Variants in RRP9 observed in about 807,000 individuals in gnomAD.
The protein encoded by RRP9 is ribosomal RNA processing 9, U3 small nucleolar RNA binding protein, also known as U3 small nucleolar RNA-interacting protein 2.
Under a neutral mutation model 65.5 loss-of-function variants are expected in RRP9, and 35 were observed. The observed-to-expected ratio is 0.53, with a 90% confidence interval of 0.41 to 0.71. RRP9 has a LOEUF of 0.71. Among genes scored for constraint, RRP9 ranks in the 30% least tolerant of loss-of-function variants. The pLI, the probability that RRP9 is intolerant of heterozygous loss-of-function variation, is 0.00. For synonymous variants in RRP9, 254 were observed against 245.0 expected (o/e 1.04, Z -0.34); for missense variants, 533 against 633.6 (o/e 0.84, Z 1.70).
intron 8 of RRP9, 134 bp from the exon 9 acceptor site, chr3:51,935,826 C>T (rs1180685801): frequency 1.5e-5 from 10 of 681,986 alleles, no homozygotes; most frequent in Non-Finnish European, 2.4e-5. Context: ...TGCCCACATG[C>T]CCATCTGCCC....
At position 51,935,206 on chromosome 3, in the gene RRP9, G is replaced by A. The variant is rs758330430; in HGVS notation, c.1025C>T (p.Ala342Val). The stretch of plus-strand genomic sequence containing the variant: ...CCAAAGGACCTCTTACCCATCGTCC[G>A]CGCCGGACACCATGTGCTCCTCATT... ...LINEEHMVSG[A>V]DDGSVALWGL... is the part of the protein sequence containing the mutation. The change falls in exon 11 of 15, where the codon GCG becomes GTG. Residue 342 changes from alanine (A) to valine (V), a missense_variant. Coordinates refer to ENST00000232888, the MANE Select transcript of RRP9 (RefSeq NM_004704.5). 61 of 1,612,872 alleles carry A rather than the reference G, an allele frequency of 3.8e-5. No homozygotes were observed. Among genetic ancestry groups the A allele is most frequent in the Admixed American group, 3.3e-5 (2 of 59,966 alleles).
chr3:51,938,642 G>A (rs577291350), intron 2 of RRP9, among the ~76,000 whole-genome samples: 1 of 152,150 alleles, frequency 6.6e-6, no homozygotes, highest in Non-Finnish European at 1.5e-5. Context: ...AACAATCAAC[G>A]ACGACACTGC....
At position 51,934,374 on chromosome 3, in the gene RRP9, G is replaced by A; in HGVS notation, c.1260+98C>T. 1 of 1,296,592 alleles carries A rather than the reference G, an allele frequency of 7.7e-7. No homozygotes were observed. The highest frequency in any genetic ancestry group is 1.1e-6 in the Non-Finnish European group (1 of 937,368). 80.3% of individuals were successfully genotyped at this position (1,296,592 alleles called of 1,614,324 possible). On this transcript the variant is annotated intron_variant, in intron 13 of 14. Coordinates refer to ENST00000232888, the MANE Select transcript of RRP9 (RefSeq NM_004704.5). This position sits in a 1 kb window ranked among gnomAD's most constrained non-coding sequence, Gnocchi z 4.1. The stretch of plus-strand genomic sequence containing the variant: ...CTAGGAGCTGGCCCTGCCCTGAGAA[G>A]GTTCCCTTCTGGCAGGAAGAAAGAC...
rs766325193 is a variant in RRP9, at chr3:51,941,797, C to G, written c.71G>C (p.Gly24Ala). The change falls in exon 1 of 15, where the codon GGC (glycine) becomes GCC (alanine). Residue 24 changes from glycine (G) to alanine (A), a missense_variant. By Grantham distance (60) the Gly-to-Ala change is moderately conservative (BLOSUM62 0). This residue lies in a region of RRP9 where 77 missense variants were observed against 60.5 expected (regional missense o/e 1.27). Coordinates refer to ENST00000232888, the MANE Select transcript of RRP9 (RefSeq NM_004704.5). ...ASGAGAGAGA[G>A]KRRRKADSAG... ...CATGCTCACCTTTCGCCGCCGCTTG[C>G]CGGCCCCCGCGCCAGCCCCGGCCCC... 22 of 1,567,914 alleles carry G rather than the reference C, an allele frequency of 1.4e-5. No individual in the cohort carries two copies. The highest frequency in any genetic ancestry group is 1.9e-5 in the Non-Finnish European group (22 of 1,165,116).
rs764389274 is a variant in RRP9 at position 51,936,570 on chromosome 3, G to C, written c.518-15C>G. On this transcript the variant is annotated splice_polypyrimidine_tract_variant and intron_variant, in intron 6 of 14. Transcript: ENST00000232888. ...CTCCACGCTCCCTGCAGTTGGGGGT[G>C]GGGGAGAAGCTACTGGGATGGGGGG... 1.5e-5 allele frequency: 24 copies of C among 1,612,356 alleles called. No individual in the cohort carries two copies. Among genetic ancestry groups the C allele is most frequent in the Non-Finnish European group, 1.8e-5 (21 of 1,179,312 alleles).
intron 6 of RRP9, 60 bp from the exon 7 acceptor site, chr3:51,936,615 C>G (rs1293522367): frequency 6.4e-6 from 10 of 1,555,696 alleles, no homozygotes; most frequent in Admixed American, 1.7e-5. Context: ...GCTGGCAACC[C>G]CCCTCAAGGG....
rs1258992864 is a variant in RRP9 at position 51,934,700 on chromosome 3, G to C, written c.1111C>G (p.Pro371Ala). 1.9e-6 allele frequency: 3 copies of C among 1,613,994 alleles called. No homozygotes were observed. The highest frequency in any genetic ancestry group is 1.3e-5 in the African/African-American group (1 of 74,920). ...ATCCAGAAGGGCTGCTCCAGGCCTGGCTCTCCCCGCAGCCCGTGAGCTTCA... is the reference window on the plus strand; with the variant it reads ...ATCCAGAAGGGCTGCTCCAGGCCTGCCTCTCCCCGCAGCCCGTGAGCTTCA... ...QREAHGLRGE[P>A]GLEQPFWISS... is the part of the protein sequence containing the mutation. Residue 371 changes from proline (P) to alanine (A), a missense_variant, in exon 12 of 15, where the codon CCA becomes GCA. Pro to Ala is a conservative substitution (Grantham distance 27, BLOSUM62 -1). Coordinates refer to ENST00000232888, the MANE Select transcript of RRP9 (RefSeq NM_004704.5). This position sits in a 1 kb window ranked among gnomAD's most constrained non-coding sequence, Gnocchi z 4.1.
intron 8 of RRP9, among the ~76,000 whole-genome samples, chr3:51,935,978 G>A (rs921760324): frequency 3.9e-5 from 6 of 151,984 alleles, no homozygotes; most frequent in Admixed American, 6.6e-5. Flanking sequence ...CCTCCATCTC[G>A]GCCTCCCAAA....
Position 51,935,699 on chromosome 3 carries a change from G to A in RRP9, c.736-7C>T, listed in dbSNP as rs1398858636. 7 of 1,612,054 alleles carry A rather than the reference G, an allele frequency of 4.3e-6. No individual in the cohort carries two copies. The highest frequency in any genetic ancestry group is 1.3e-5 in the African/African-American group (1 of 74,978). ...CTCTGCGGAATGCCAGACCCTAAGG[G>A]TGCATGGGGAGAGGGCAAAGGGGAC... On this transcript the variant is annotated splice_polypyrimidine_tract_variant and splice_region_variant and intron_variant, in intron 8 of 14. Transcript: ENST00000232888.
At position 51,936,487 on chromosome 3, in the gene RRP9, G is replaced by T. The variant is rs1015157214; in HGVS notation, c.586C>A (p.Pro196Thr). The change falls in exon 7 of 15, where the codon CCT (proline) becomes ACT (threonine). Residue 196 changes from proline to threonine, a missense_variant. Coordinates refer to ENST00000232888, the MANE Select transcript of RRP9 (RefSeq NM_004704.5). Reference protein sequence around the residue: ...RAKKGAEGKPPGHSSHVLCMA... With the variant: ...RAKKGAEGKPTGHSSHVLCMA... ...CAGAGGACGTGGCTGCTGTGGCCAG[G>T]GGGCTTTCCCTCGGCACCCTTCTTG... 6.2e-7 allele frequency: 1 copy of T among 1,614,226 alleles called. No homozygotes were observed. Among genetic ancestry groups the T allele is most frequent in the Non-Finnish European group, 8.5e-7 (1 of 1,180,046 alleles).
rs557214719 is a variant in RRP9 at position 51,939,525 on chromosome 3, C to G, written c.171-1321G>C. Among the ~76,000 whole-genome samples, 56 of 152,272 alleles carry G rather than the reference C, an allele frequency of 3.7e-4. 1 individual carries two copies. The East Asian group carries it at 8.9e-3, about 24-fold the overall frequency. On this transcript the variant is annotated intron_variant, in intron 2 of 14. Transcript: ENST00000232888. ...TGGGGGGAAGGAGAGGGGCTGACTA[C>G]GAAGGAGCAGGAGGAGTTCTGGAGG...
rs958491555 is a variant in RRP9, at chr3:51,934,773, A to G, written c.1038T>C (p.Ser346=). ...TCTTGGAGAGACCCCACAAGGCCAC[A>G]GAGCTATAAACAGGGAGGGAATACA... ...EHMVSGADDG[S]VALWGLSKKR... is the part of the protein sequence containing the mutation. Residue 346 remains serine, a synonymous_variant, in exon 12 of 15, where the codon TCT becomes TCC. Coordinates refer to ENST00000232888, the MANE Select transcript of RRP9 (RefSeq NM_004704.5). The surrounding 1 kb of genome is among the most constrained non-coding windows in gnomAD (Gnocchi z 4.1). The G allele has an allele frequency of 1.2e-6, 2 of 1,613,098 alleles. No individual in the cohort carries two copies. The highest frequency in any genetic ancestry group is 8.5e-7 in the Non-Finnish European group (1 of 1,179,812).
At position 51,937,636 on chromosome 3, in the gene RRP9, C is replaced by G; in HGVS notation, c.348+33G>C. 6.2e-7 allele frequency: 1 copy of G among 1,614,198 alleles called. No individual in the cohort carries two copies. Among genetic ancestry groups the G allele is most frequent in the South Asian group, 1.1e-5 (1 of 91,086 alleles). ...ACCCTGGGAGCAGATCAGCTCCACCCCCGTCCTCCCCCAACTCTCCCTCCA... is the reference window on the plus strand; with the variant it reads ...ACCCTGGGAGCAGATCAGCTCCACCGCCGTCCTCCCCCAACTCTCCCTCCA... On this transcript the variant is annotated intron_variant, in intron 4 of 14. Transcript: ENST00000232888. The surrounding 1 kb of genome is among the most constrained non-coding windows in gnomAD (Gnocchi z 5.0).
rs1699467330 is a variant in RRP9 at position 51,937,097 on chromosome 3, T to G, written c.517+95A>C. The G allele has an allele frequency of 2.7e-6, 4 of 1,499,974 alleles. No individual in the cohort carries two copies. Among genetic ancestry groups the G allele is most frequent in the Non-Finnish European group, 3.6e-6 (4 of 1,097,436 alleles). The allele number at this position is 1,499,974 out of a possible 1,614,324, so 92.9% of individuals were successfully genotyped here. ...AACCTGCCTCCAGAGACTTCCCCACTTCAGGGCTCAGCCTGCCATGACCAC... is the reference window on the plus strand; with the variant it reads ...AACCTGCCTCCAGAGACTTCCCCACGTCAGGGCTCAGCCTGCCATGACCAC... On this transcript the variant is annotated intron_variant, in intron 6 of 14. Coordinates refer to ENST00000232888, the MANE Select transcript of RRP9 (RefSeq NM_004704.5). The surrounding 1 kb of genome is among the most constrained non-coding windows in gnomAD (Gnocchi z 5.0).
intron 9 of RRP9, 22 bp downstream of exon 9, chr3:51,935,570 A>C: frequency 6.2e-7 from 1 of 1,613,170 alleles, no homozygotes; most frequent in South Asian, 1.1e-5. Flanking sequence ...CCATCCACAC[A>C]CCCTCTCCCA....
At chr3:51,935,522 T>C in intron 9 of RRP9, 46 bp from the exon 10 acceptor site, 1 of 1,613,878 alleles carries the variant, frequency 6.2e-7, no homozygotes, top group African/African-American at 1.3e-5. Context: ...GGGTACTGCA[T>C]GAACTCACGG....
At position 51,935,186 on chromosome 3, in the gene RRP9, G is replaced by C; in HGVS notation, c.1034+11C>G. On this transcript the variant is annotated intron_variant, in intron 11 of 14. Transcript: ENST00000232888. ...GAAGCCGTGGCCAGAGACATCCAAA[G>C]GACCTCTTACCCATCGTCCGCGCCG... is the stretch of plus-strand genomic sequence containing the variant. 6.2e-7 allele frequency: 1 copy of C among 1,602,432 alleles called. No homozygotes were observed. Among genetic ancestry groups the C allele is most frequent in the Admixed American group, 1.7e-5 (1 of 59,638 alleles).
Position 51,935,679 on chromosome 3 carries a change from C to T in RRP9, c.749G>A (p.Arg250His), listed in dbSNP as rs151070017. The change falls in exon 9 of 15, where the codon CGC (arginine) becomes CAC (histidine). Residue 250 changes from arginine to histidine, a missense_variant. Arg to His is a conservative substitution (Grantham distance 29). This residue lies in a region of RRP9 where 449 missense variants were observed against 550.6 expected (regional missense o/e 0.82). Transcript: ENST00000232888. The part of the protein sequence containing the change: ...HRDAVSGLAF[R>H]RGTHQLYSTS... ...GCTGTAGAGCTGGTGGGTGCCTCTG[C>T]GGAATGCCAGACCCTAAGGGTGCAT... 34 of 1,613,894 alleles carry T rather than the reference C, an allele frequency of 2.1e-5. No homozygotes were observed. Among genetic ancestry groups the T allele is most frequent in the South Asian group, 1.1e-4 (10 of 91,084 alleles).
Position 51,934,708 on chromosome 3 carries a change from C to T in RRP9, c.1103G>A (p.Arg368Gln), listed in dbSNP as rs557872868. The T allele has an allele frequency of 3.7e-5, 59 of 1,614,144 alleles. No individual in the cohort carries two copies. Among genetic ancestry groups the T allele is most frequent in the African/African-American group, 6.7e-5 (5 of 75,056 alleles). Residue 368 changes from arginine (R) to glutamine (Q), a missense_variant, in exon 12 of 15, where the codon CGG (arginine) becomes CAG (glutamine). Around this residue, in one of 3 missense-constraint regions of RRP9, gnomAD observed 449 missense variants for 550.6 expected, o/e 0.82. Coordinates refer to ENST00000232888, the MANE Select transcript of RRP9 (RefSeq NM_004704.5). The surrounding 1 kb of genome is among the most constrained non-coding windows in gnomAD (Gnocchi z 4.1). ...LALQREAHGL[R>Q]GEPGLEQPFW... ...GGGCTGCTCCAGGCCTGGCTCTCCCCGCAGCCCGTGAGCTTCACGCTGCAG... is the reference window on the plus strand; with the variant it reads ...GGGCTGCTCCAGGCCTGGCTCTCCCTGCAGCCCGTGAGCTTCACGCTGCAG...
Sources: allele counts gnomAD v4.1 joint callset (sites outside exome capture counted in the v4.1 genomes callset), GRCh38; gene constraint gnomAD v4.1.1; regional missense constraint gnomAD v4.1.1; non-coding constraint Gnocchi (gnomAD v3.1); transcripts MANE v1.5; gene names NCBI Gene and HGNC (gene_info 2026-07-23, HGNC 2026-07-21).